LOC400499: variants seen among roughly 807,000 people sequenced by gnomAD.
chr16:11,487,292 G>A, the LOC400499 span: 4 of 398,968 alleles, frequency 1.0e-5, no homozygotes, highest in Non-Finnish European at 1.3e-5. Flanking sequence ...GGCCCATGGT[G>A]TGGATGGTCA....
the LOC400499 span, among the ~76,000 whole-genome samples, chr16:11,376,043 G>C: frequency 6.6e-6 from 1 of 152,278 alleles, no homozygotes; most frequent in African/African-American, 2.4e-5. Context: ...CGGGCCCTTT[G>C]TACATTGTTG....
the LOC400499 span, chr16:11,431,301 C>G: frequency 1.0e-5 from 4 of 398,670 alleles, no homozygotes; most frequent in East Asian, 1.4e-4. Context: ...AACCCCAATG[C>G]TGCTGCTCAC....
At chr16:11,522,121 CAGAG>C in the LOC400499 span, 2 of 398,278 alleles carry the variant, frequency 5.0e-6, no homozygotes, top group Non-Finnish European at 8.9e-6. Context: ...CCCTGAAGGG[CAGAG>C]AGAGAGACAG....
chr16:11,496,866 G>C, the LOC400499 span, among the ~76,000 whole-genome samples: 58 of 151,142 alleles, frequency 3.8e-4, no homozygotes, highest in African/African-American at 1.4e-3. Flanking sequence ...CCAGGTACGT[G>C]AGTCTTGGCG....
the LOC400499 span, chr16:11,522,060 G>A: frequency 2.5e-6 from 1 of 399,142 alleles, no homozygotes; most frequent in East Asian, 3.6e-5. Flanking sequence ...TGGTGTTGGT[G>A]GAAAAATGAT....
the LOC400499 span, among the ~76,000 whole-genome samples, chr16:11,394,526 A>C: frequency 6.6e-5 from 10 of 152,324 alleles, no homozygotes; most frequent in East Asian, 1.7e-3. Context: ...GCGTGCACGT[A>C]TGTCTGTTAA....
the LOC400499 span, among the ~76,000 whole-genome samples, chr16:11,421,881 G>A: frequency 3.3e-5 from 5 of 152,302 alleles, no homozygotes; most frequent in Middle Eastern, 6.8e-3. Flanking sequence ...TAGTGTGAAC[G>A]ACCATAGCAT....
At chr16:11,437,634 G>A in the LOC400499 span, among the ~76,000 whole-genome samples, 1 of 152,302 alleles carries the variant, frequency 6.6e-6, no homozygotes, top group South Asian at 2.1e-4. Flanking sequence ...TTGGAAGGCT[G>A]GGGCAGGCAG....
the LOC400499 span, among the ~76,000 whole-genome samples, chr16:11,399,007 G>A: frequency 2.0e-5 from 3 of 152,110 alleles, no homozygotes; most frequent in Non-Finnish European, 4.4e-5. Flanking sequence ...GAACCCAGGC[G>A]GGAGGTCCAG....
At chr16:11,459,069 T>A in the LOC400499 span, among the ~76,000 whole-genome samples, 2 of 147,736 alleles carry the variant, frequency 1.4e-5, no homozygotes, top group Non-Finnish European at 3.0e-5. Context: ...AATAAATAAA[T>A]AAATAAAAAA....
At chr16:11,479,601 C>A in the LOC400499 span, among the ~76,000 whole-genome samples, 8 of 152,106 alleles carry the variant, frequency 5.3e-5, no homozygotes, top group African/African-American at 1.9e-4. Flanking sequence ...CCAGCCTGGA[C>A]AACAGACAGA....
the LOC400499 span, among the ~76,000 whole-genome samples, chr16:11,513,301 G>A: frequency 3.3e-5 from 5 of 151,704 alleles, no homozygotes; most frequent in African/African-American, 9.7e-5. Context: ...GTTACCTGGC[G>A]GGCTGAGGTG....
the LOC400499 span, among the ~76,000 whole-genome samples, chr16:11,436,993 A>G: frequency 1.3e-5 from 2 of 152,196 alleles, no homozygotes; most frequent in South Asian, 2.1e-4. Flanking sequence ...GCTAATATAA[A>G]ATGAGCTATT....
the LOC400499 span, among the ~76,000 whole-genome samples, chr16:11,496,990 G>A: frequency 2.0e-5 from 3 of 152,080 alleles, no homozygotes; most frequent in Admixed American, 6.5e-5. Context: ...TGGGTGTCCT[G>A]GGAAAGCCTG....
At chr16:11,376,745 T>C in the LOC400499 span, among the ~76,000 whole-genome samples, 1 of 152,196 alleles carries the variant, frequency 6.6e-6, no homozygotes, top group Non-Finnish European at 1.5e-5. Context: ...ACTGGGATTT[T>C]GATAGCAATT....
the LOC400499 span, chr16:11,478,589 C>T: frequency 2.5e-6 from 1 of 399,072 alleles, no homozygotes; most frequent in Non-Finnish European, 4.4e-6. Context: ...ACGTGACTCC[C>T]CGTGGCCCCG....
chr16:11,399,709 G>A, the LOC400499 span: 19 of 398,796 alleles, frequency 4.8e-5, no homozygotes, highest in East Asian at 1.4e-4. Context: ...TACCTGCCCC[G>A]GGGAGGCGGC....
At chr16:11,434,923 C>T in the LOC400499 span, among the ~76,000 whole-genome samples, 7 of 152,296 alleles carry the variant, frequency 4.6e-5, no homozygotes, top group Middle Eastern at 3.4e-3. Context: ...CAGACGGAGA[C>T]GCACATTCCT....
the LOC400499 span, among the ~76,000 whole-genome samples, chr16:11,482,035 G>A: frequency 6.6e-6 from 1 of 152,190 alleles, no homozygotes; most frequent in Non-Finnish European, 1.5e-5. Context: ...GTTTACAAAA[G>A]GAACTGGATG....
Sources: allele counts gnomAD v4.1 joint callset (sites outside exome capture counted in the v4.1 genomes callset), GRCh38; gene constraint gnomAD v4.1.1; transcripts MANE v1.5.